LTF: variants seen among roughly 807,000 people sequenced by gnomAD.
The protein encoded by LTF is lactotransferrin.
Under a neutral mutation model 87.2 loss-of-function variants are expected in LTF, and 91 were observed. The ratio of observed to expected loss-of-function variants is 1.04; its 90% CI spans 0.88 to 1.24. The LOEUF (loss-of-function observed/expected upper bound fraction) is 1.24. Among genes scored for constraint, LTF ranks in the 50% most tolerant of loss-of-function variants. The pLI is 0.00. For missense variants in LTF, 901 were observed against 904.3 expected, an observed-to-expected ratio of 1.00 and a Z score of 0.05; for synonymous variants, 378 against 356.1, an observed-to-expected ratio of 1.06 and a Z score of -0.69.
intron 6 of LTF, among the ~76,000 whole-genome samples, chr3:46,453,743 C>A (rs6414426): frequency 6.6e-6 from 1 of 152,214 alleles, no homozygotes; most frequent in African/African-American, 2.4e-5. Context: ...CTGTCCAGCA[C>A]GTAAGTAAGG....
In LTF at chr3:46,450,014, C is replaced by A. The variant is rs1702763953; in HGVS notation, c.897G>T (p.Lys299Asn). 25 of 1,587,374 alleles carry A rather than the reference C, an allele frequency of 1.6e-5. No homozygotes were observed. Among genetic ancestry groups the A allele is most frequent in the Non-Finnish European group, 2.1e-5 (24 of 1,169,336 alleles). ...AGAGCTGGAATTTCGGTGACTTGTCCTTTCCAAACTTTTCCTAATTAAGAA... is the reference window on the plus strand; with the variant it reads ...AGAGCTGGAATTTCGGTGACTTGTCATTTCCAAACTTTTCCTAATTAAGAA... ...LLRQAQEKFG[K>N]DKSPKFQLFG... Residue 299 changes from lysine (K) to asparagine (N), a missense_variant, in exon 8 of 17, where the codon AAG becomes AAT. Transcript: ENST00000231751.
At chr3:46,447,836 T>A (rs1702694723) in intron 9 of LTF, among the ~76,000 whole-genome samples, 1 of 152,162 alleles carries the variant, frequency 6.6e-6, no homozygotes, top group Non-Finnish European at 1.5e-5. Context: ...ACCACCAGAA[T>A]GAACAAGTCC....
chr3:46,455,685 C>T, intron 4 of LTF, 111 bp downstream of exon 4: 6 of 1,326,116 alleles, frequency 4.5e-6, no homozygotes, highest in Non-Finnish European at 5.2e-6. Flanking sequence ...CCAGCCTCAC[C>T]CCCACCTTGA....
intron 1 of LTF, among the ~76,000 whole-genome samples, chr3:46,483,660 G>C (rs1703480595): frequency 6.6e-6 from 1 of 152,172 alleles, no homozygotes; most frequent in Non-Finnish European, 1.5e-5. Flanking sequence ...AGTGGAGCCT[G>C]GGGGTGGAAA....
intron 13 of LTF, chr3:46,441,899 CAGAGAGAGAGAGAG>C (rs71622508): frequency 1.2e-4 from 12 of 101,584 alleles, no homozygotes; most frequent in South Asian, 3.4e-4. Context: ...TGATAGCACC[CAGAGAGAGAGAGAG>C]AGAGAGAGAG....
chr3:46,460,154 C>T (rs756013788), intron 1 of LTF, among the ~76,000 whole-genome samples: 2 of 152,162 alleles, frequency 1.3e-5, no homozygotes, highest in Non-Finnish European at 2.9e-5. Context: ...CCAGCTTTGC[C>T]CACTTTGAAC....
chr3:46,466,346 A>G (rs1379397743), upstream of LTF, among the ~76,000 whole-genome samples: 3 of 152,212 alleles, frequency 2.0e-5, no homozygotes, highest in African/African-American at 7.2e-5. Context: ...TCTGACCAAT[A>G]TGTGACTCTG....
intron 1 of LTF, among the ~76,000 whole-genome samples, chr3:46,480,543 G>C (rs1021332737): frequency 6.6e-6 from 1 of 152,172 alleles, no homozygotes; most frequent in Non-Finnish European, 1.5e-5. Context: ...TCCCTATCTG[G>C]TGCTGGGCCT....
chr3:46,457,978 G>T (rs1379707725), intron 2 of LTF, among the ~76,000 whole-genome samples: 8 of 151,556 alleles, frequency 5.3e-5, no homozygotes, highest in Non-Finnish European at 1.0e-4. Context: ...TAGAGATGGG[G>T]TTTCACCATC....
chr3:46,444,075 C>T (rs1292200022), intron 12 of LTF, among the ~76,000 whole-genome samples: 1 of 152,152 alleles, frequency 6.6e-6, no homozygotes, highest in African/African-American at 2.4e-5. Flanking sequence ...GTGTTGGGCG[C>T]CAGCTTCTCA....
chr3:46,460,797 ATCT>A (rs76295845), intron 1 of LTF, among the ~76,000 whole-genome samples: 18,114 of 152,210 alleles, frequency 0.12, 1,276 homozygotes, highest in Admixed American at 0.21. Flanking sequence ...AGATAACATG[ATCT>A]TCTATGTAGA....
At chr3:46,481,843 G>A (rs1231104883) in intron 1 of LTF, among the ~76,000 whole-genome samples, 2 of 152,166 alleles carry the variant, frequency 1.3e-5, no homozygotes, top group South Asian at 2.1e-4. Flanking sequence ...GTTAAAGCAG[G>A]ATATGCCTAA....
intron 16 of LTF, 49 bp from the exon 17 acceptor site, chr3:46,436,278 A>AAT: frequency 1.3e-6 from 2 of 1,527,026 alleles, no homozygotes; most frequent in East Asian, 4.5e-5. Flanking sequence ...TTCTTCCATT[A>AAT]AACCAGTTAT....
At position 46,439,359 on chromosome 3, in the gene LTF, A is replaced by T. The variant is rs761158825; in HGVS notation, c.1845T>A (p.Asn615Lys). The change falls in exon 15 of 17, where the codon AAT (asparagine) becomes AAA (lysine). Residue 615 changes from asparagine (N) to lysine (K), a missense_variant. Asn to Lys is a moderately conservative substitution (Grantham distance 94). Coordinates refer to ENST00000231751, the MANE Select transcript of LTF (RefSeq NM_002343.6). The stretch of plus-strand genomic sequence containing the variant: ...TATCCATCCGAGACACCACGGCATG[A>T]TTCGGGGCCATGGCAAGATGGCAGC... ...ARSCHLAMAP[N>K]HAVVSRMDKV... 6.2e-7 allele frequency: 1 copy of T among 1,614,204 alleles called. No individual in the cohort carries two copies. Among genetic ancestry groups the T allele is most frequent in the East Asian group, 2.2e-5 (1 of 44,864 alleles).
intron 5 of LTF, 110 bp from the exon 6 acceptor site, chr3:46,454,470 G>A: frequency 2.0e-6 from 2 of 979,524 alleles, no homozygotes; most frequent in Non-Finnish European, 3.3e-6. Flanking sequence ...TCCCTGCAGG[G>A]CAGGGCTCTG....
intron 13 of LTF, 180 bp from the exon 14 acceptor site, chr3:46,441,663 T>TA (rs1702516319): frequency 5.3e-6 from 3 of 564,926 alleles, no homozygotes; most frequent in Non-Finnish European, 9.5e-6. Flanking sequence ...TGCCCTCCTT[T>TA]TAAAACCCTA....
At chr3:46,464,361 G>T (rs1191648074) in intron 1 of LTF, among the ~76,000 whole-genome samples, 1 of 152,168 alleles carries the variant, frequency 6.6e-6, no homozygotes, top group East Asian at 1.9e-4. Flanking sequence ...GTGGACCCAT[G>T]GTTAGGCCGT....
intron 16 of LTF, among the ~76,000 whole-genome samples, chr3:46,436,682 C>T (rs979277035): frequency 2.0e-5 from 3 of 152,230 alleles, no homozygotes; most frequent in African/African-American, 7.2e-5. Flanking sequence ...CTGGCCTGCC[C>T]TCAAGAAGCA....
At chr3:46,456,058 T>A (rs1702921921) in intron 3 of LTF, 80 bp from the exon 4 acceptor site, 2 of 1,306,386 alleles carry the variant, frequency 1.5e-6, no homozygotes, top group East Asian at 5.0e-5. Flanking sequence ...AAGTCTCCGG[T>A]GGGAAGGGGG....
Sources: gnomAD v4.1 joint callset for allele counts (sites outside exome capture counted in the v4.1 genomes callset) on GRCh38, gnomAD v4.1.1 for gene constraint, MANE v1.5 for transcripts, NCBI Gene and HGNC (gene_info 2026-07-23, HGNC 2026-07-21) for gene names.